Variants in HSPB8 observed in about 807,000 individuals in gnomAD.
The protein encoded by HSPB8 is heat shock protein beta-8.
In HSPB8, 9 loss-of-function variants were observed where a neutral mutation model predicts 16.5. The observed-to-expected ratio is 0.55, with a 90% confidence interval of 0.33 to 0.95. HSPB8 has a LOEUF of 0.95. Ranked by LOEUF, HSPB8 falls within the 40% of genes least tolerant of loss-of-function variation. The probability of loss-of-function intolerance (pLI) is 0.03; values close to 1 mark genes in which losing one functional copy is unlikely to be tolerated. For synonymous variants in HSPB8, 99 were observed against 94.8 expected (o/e 1.04, Z -0.26); for missense variants, 238 against 251.2 (o/e 0.95, Z 0.35).
chr12:119,186,129 C>T (rs748484762), intron 1 of HSPB8, among the ~76,000 whole-genome samples: 100 of 152,186 alleles, frequency 6.6e-4, no homozygotes, highest in Admixed American at 4.6e-4. Context: ...GTGCTATATA[C>T]ATTACAAGAT....
intron 1 of HSPB8, among the ~76,000 whole-genome samples, chr12:119,185,636 A>T (rs537514381): frequency 6.6e-6 from 1 of 151,768 alleles, no homozygotes. Context: ...CCTGCCTATT[A>T]TTATTATTAT....
chr12:119,190,478 G>A (rs1188092247), intron 2 of HSPB8, among the ~76,000 whole-genome samples: 1 of 152,202 alleles, frequency 6.6e-6, no homozygotes, highest in African/African-American at 2.4e-5. Flanking sequence ...CATTTGGACT[G>A]AATAAGGAGG....
intron 1 of HSPB8, among the ~76,000 whole-genome samples, chr12:119,180,631 T>C (rs1222289601): frequency 6.6e-6 from 1 of 152,100 alleles, no homozygotes. Context: ...CATCCCACCC[T>C]GGGAGAAATA....
chr12:119,179,009 C>CAGCCTGGGCAGCCTGGGA lies in HSPB8; in HGVS notation c.-295_-278dup, dbSNP rs1172835656. 4.1e-6 allele frequency: 2 copies of CAGCCTGGGCAGCCTGGGA among 492,972 alleles called. No homozygotes were observed. The highest frequency in any genetic ancestry group is 7.8e-5 in the East Asian group (2 of 25,628). 30.5% of individuals were successfully genotyped at this position (492,972 alleles called of 1,614,324 possible). ...TCTAGACCTCAGCGGTTCTGGCTGC[C>CAGCCTGGGCAGCCTGGGA]AGCCTGGGCAGCCTGGGAAGCCTGG... On this transcript the variant is annotated 5_prime_UTR_variant, in exon 1 of 3. Transcript: ENST00000281938.
chr12:119,188,299 T>C (rs1170415395), intron 2 of HSPB8, among the ~76,000 whole-genome samples: 1 of 146,424 alleles, frequency 6.8e-6, no homozygotes. Context: ...CAGGCTGGAG[T>C]GCAGTGGCAC....
intron 1 of HSPB8, 43 bp downstream of exon 1, chr12:119,179,722 T>C (rs201750412): frequency 7.8e-6 from 12 of 1,539,516 alleles, no homozygotes; most frequent in Non-Finnish European, 1.0e-5. Flanking sequence ...GAGGCCGGGA[T>C]GTAGCCCTCA....
chr12:119,187,979 G>C (rs2136084020), intron 2 of HSPB8, among the ~76,000 whole-genome samples: 1 of 152,260 alleles, frequency 6.6e-6, no homozygotes, highest in African/African-American at 2.4e-5. Flanking sequence ...TTGCTGAGGG[G>C]AGTAGAAGGG....
At position 119,194,035 on chromosome 12, in the gene HSPB8, C is replaced by T. The variant is rs1386627283; in HGVS notation, c.*177C>T. On this transcript the variant is annotated 3_prime_UTR_variant, in exon 3 of 3. Coordinates refer to ENST00000281938, the MANE Select transcript of HSPB8 (RefSeq NM_014365.3). Reference sequence around the variant, plus strand: ...AGTGGTAGATTTCTCCACAGGATAGCGCAATTGGCAAATCATGCTTGGTTG... The same window carrying T: ...AGTGGTAGATTTCTCCACAGGATAGTGCAATTGGCAAATCATGCTTGGTTG... The T allele has an allele frequency of 3.3e-5, 23 of 705,644 alleles. No individual in the cohort carries two copies. In the South Asian group the frequency reaches 3.3e-4, roughly 10 times the overall value. 43.7% of individuals were successfully genotyped at this position (705,644 alleles called of 1,614,324 possible). A position where few individuals can be genotyped will look rare whatever the true frequency, so the allele number is the denominator to read the frequency against.
intron 1 of HSPB8, among the ~76,000 whole-genome samples, chr12:119,180,842 A>T (rs1384239290): frequency 1.3e-5 from 2 of 152,176 alleles, no homozygotes; most frequent in South Asian, 4.1e-4. Context: ...AGCAGCATTC[A>T]GGGGGAGTTT....
At position 119,194,027 on chromosome 12, in the gene HSPB8, C is replaced by A; in HGVS notation, c.*169C>A. 1.4e-6 allele frequency: 1 copy of A among 734,512 alleles called. No individual in the cohort carries two copies. Among genetic ancestry groups the A allele is most frequent in the Non-Finnish European group, 2.3e-6 (1 of 427,706 alleles). The allele number at this position is 734,512 out of a possible 1,614,324, so 45.5% of individuals were successfully genotyped here. On this transcript the variant is annotated 3_prime_UTR_variant, in exon 3 of 3. Coordinates refer to ENST00000281938, the MANE Select transcript of HSPB8 (RefSeq NM_014365.3). ...GATAGTGTAGTGGTAGATTTCTCCA[C>A]AGGATAGCGCAATTGGCAAATCATG...
intron 2 of HSPB8, among the ~76,000 whole-genome samples, chr12:119,189,842 C>A (rs1388022473): frequency 9.2e-5 from 14 of 152,186 alleles, no homozygotes; most frequent in Admixed American, 9.2e-4. Flanking sequence ...CTGATCTTGT[C>A]CCCAGGACCC....
rs1002901893 is a variant in HSPB8, at chr12:119,179,421, A to T, written c.109A>T (p.Met37Leu). The T allele has an allele frequency of 6.2e-7, 1 of 1,613,802 alleles. No homozygotes were observed. The highest frequency in any genetic ancestry group is 8.5e-7 in the Non-Finnish European group (1 of 1,179,980). The change falls in exon 1 of 3, where the codon ATG becomes TTG. Residue 37 changes from methionine (M) to leucine (L), a missense_variant. Coordinates refer to ENST00000281938, the MANE Select transcript of HSPB8 (RefSeq NM_014365.3). ...SSRLLDDGFG[M>L]DPFPDDLTAS... ...TCGCCTGCTGGATGATGGCTTTGGCATGGACCCCTTCCCAGACGACTTGAC... is the reference window on the plus strand; with the variant it reads ...TCGCCTGCTGGATGATGGCTTTGGCTTGGACCCCTTCCCAGACGACTTGAC...
chr12:119,180,121 C>T (rs1954627564), intron 1 of HSPB8, among the ~76,000 whole-genome samples: 1 of 152,154 alleles, frequency 6.6e-6, no homozygotes, highest in Non-Finnish European at 1.5e-5. Context: ...TCCGGTGAAA[C>T]ACCTCTCCTT....
rs974251296 is a variant in HSPB8 at position 119,194,281 on chromosome 12, G to A, written c.*423G>A. ...CATGGCTCCCAAACCATGCCGCATG[G>A]TTTGGTTAATGAAACCCAGTAGCTA... On this transcript the variant is annotated 3_prime_UTR_variant, in exon 3 of 3. Transcript: ENST00000281938. 1.8e-5 allele frequency: 5 copies of A among 275,318 alleles called. No homozygotes were observed. The highest frequency in any genetic ancestry group is 1.1e-4 in the African/African-American group (5 of 44,942). The allele number at this position is 275,318 out of a possible 1,614,324, so 17.1% of individuals were successfully genotyped here.
intron 1 of HSPB8, among the ~76,000 whole-genome samples, chr12:119,186,126 A>T (rs1954674434): frequency 6.6e-6 from 1 of 152,218 alleles, no homozygotes; most frequent in Non-Finnish European, 1.5e-5. Context: ...AATGTGCTAT[A>T]TACATTACAA....
At chr12:119,185,379 G>A in intron 1 of HSPB8, among the ~76,000 whole-genome samples, 1 of 151,950 alleles carries the variant, frequency 6.6e-6, no homozygotes, top group East Asian at 1.9e-4. Flanking sequence ...CTTTTGCTGG[G>A]CTGGAGCGCA....
intron 2 of HSPB8, among the ~76,000 whole-genome samples, chr12:119,191,195 C>CT (rs1456249164): frequency 1.3e-5 from 2 of 152,128 alleles, no homozygotes; most frequent in African/African-American, 4.8e-5. Context: ...TTATTGCCCC[C>CT]TTTTTTTCTG....
In HSPB8 at chr12:119,178,944, A is replaced by C; in HGVS notation, c.-369A>C. Reference sequence around the variant, plus strand: ...CCAGAAGGAGCCAGAAGAAGTTTCTAGGCGCGCGTGCCCTGGGTTTATTAA... The same window carrying C: ...CCAGAAGGAGCCAGAAGAAGTTTCTCGGCGCGCGTGCCCTGGGTTTATTAA... On this transcript the variant is annotated 5_prime_UTR_variant, in exon 1 of 3. Transcript: ENST00000281938. The C allele has an allele frequency of 6.0e-6, 2 of 333,060 alleles. No individual in the cohort carries two copies. The highest frequency in any genetic ancestry group is 3.0e-5 in the South Asian group (1 of 32,804). 20.6% of individuals were successfully genotyped at this position (333,060 alleles called of 1,614,324 possible). A position where few individuals can be genotyped will look rare whatever the true frequency, so the allele number is the denominator to read the frequency against.
intron 2 of HSPB8, among the ~76,000 whole-genome samples, chr12:119,190,880 T>A (rs1954708268): frequency 6.6e-6 from 1 of 152,212 alleles, no homozygotes. Flanking sequence ...GCAGAGACAT[T>A]CCTTCAGATG....
Sources: allele counts gnomAD v4.1 joint callset (sites outside exome capture counted in the v4.1 genomes callset), GRCh38; gene constraint gnomAD v4.1.1; transcripts MANE v1.5; gene names NCBI Gene and HGNC (gene_info 2026-07-23, HGNC 2026-07-21).